MYOM3: variants seen among roughly 807,000 people sequenced by gnomAD.
MYOM3 encodes myomesin 3, also known as myomesin-3.
Under a neutral mutation model 191.7 loss-of-function variants are expected in MYOM3, and 155 were observed. The ratio of observed to expected loss-of-function variants is 0.81; its 90% CI spans 0.71 to 0.92. MYOM3 has a LOEUF of 0.92. MYOM3 is among the 40% of genes least tolerant of loss of function. MYOM3 has a pLI of 0.00. For synonymous variants in MYOM3, 757 were observed against 762.9 expected, an observed-to-expected ratio of 0.99 and a Z score of 0.13; for missense variants, 1,889 against 1,890.6, an observed-to-expected ratio of 1.00 and a Z score of 0.02.
rs1643761172 is a variant in MYOM3 at position 24,087,184 on chromosome 1, C to A, written c.1615-357G>T. ...GCTCCATGAATGAACCCAGTTGGCT[C>A]ACCCTTCAAAATTTACCCAGAAACC... On this transcript the variant is annotated intron_variant, in intron 14 of 36. Transcript: ENST00000374434. This position sits in a 1 kb window ranked among gnomAD's most constrained non-coding sequence, Gnocchi z 4.5. Among the ~76,000 whole-genome samples the A allele has an allele frequency of 6.6e-6, 1 of 152,166 alleles. No individual in the cohort carries two copies. Among genetic ancestry groups the A allele is most frequent in the African/African-American group, 2.4e-5 (1 of 41,434 alleles).
chr1:24,086,625 C>T lies in MYOM3; in HGVS notation c.1798+19G>A. On this transcript the variant is annotated intron_variant, in intron 15 of 36. Coordinates refer to ENST00000374434, the MANE Select transcript of MYOM3 (RefSeq NM_152372.4). ...GGCCTGGCCTGCCTCCTCCCCGACC[C>T]CCGGCATCAGGAGGGTACCTGGCGG... 1.9e-6 allele frequency: 3 copies of T among 1,609,680 alleles called. No individual in the cohort carries two copies. The highest frequency in any genetic ancestry group is 2.5e-6 in the Non-Finnish European group (3 of 1,177,514).
At chr1:24,072,143 G>A in intron 23 of MYOM3, 130 bp from the exon 24 acceptor site, 1 of 851,752 alleles carries the variant, frequency 1.2e-6, no homozygotes. Flanking sequence ...CCCCGACCTT[G>A]GGGTTCCTTG....
chr1:24,105,503 C>G (rs1252789973), intron 5 of MYOM3, among the ~76,000 whole-genome samples: 1 of 152,238 alleles, frequency 6.6e-6, no homozygotes, highest in Non-Finnish European at 1.5e-5. Flanking sequence ...CTTGCAGCAC[C>G]TGCCTTCTCA....
chr1:24,080,667 G>A (rs1643656327), intron 19 of MYOM3, among the ~76,000 whole-genome samples: 1 of 152,178 alleles, frequency 6.6e-6, no homozygotes. Flanking sequence ...GTGCTTTTGT[G>A]AGCATTAGTG....
Position 24,091,015 on chromosome 1 carries a change from C to T in MYOM3, c.1233-19G>A, listed in dbSNP as rs371256821. 3.3e-5 allele frequency: 54 copies of T among 1,612,756 alleles called. No individual in the cohort carries two copies. In the African/African-American group the frequency reaches 6.7e-4, roughly 20 times the overall value. ...CTGGCACCTGTTGGAGACAGGCCCC[C>T]CCTTTCAGCCCCTGCCCACAATGCA... On this transcript the variant is annotated intron_variant, in intron 11 of 36. Transcript: ENST00000374434.
chr1:24,089,605 T>C lies in MYOM3; in HGVS notation c.1547A>G (p.Tyr516Cys), dbSNP rs1643790370. Residue 516 changes from tyrosine (Y) to cysteine (C), a missense_variant, in exon 14 of 37, where the codon TAT becomes TGT. Coordinates refer to ENST00000374434, the MANE Select transcript of MYOM3 (RefSeq NM_152372.4). ...NVHASEIREA[Y>C]VVLAWEEPSP... The stretch of plus-strand genomic sequence containing the variant: ...GGGCTCCTCCCAGGCCAGAACCACA[T>C]AGGCCTCTCGGATCTCGCTGGCATG... The C allele has an allele frequency of 2.5e-6, 4 of 1,595,852 alleles. No homozygotes were observed. The highest frequency in any genetic ancestry group is 1.1e-5 in the South Asian group (1 of 87,702).
intron 25 of MYOM3, among the ~76,000 whole-genome samples, chr1:24,070,691 G>A (rs1267239262): frequency 1.3e-5 from 2 of 152,140 alleles, no homozygotes; most frequent in African/African-American, 2.4e-5. Flanking sequence ...TCAACATAGT[G>A]AGTCCCCATC....
At chr1:24,105,838 A>G in intron 5 of MYOM3, 82 bp downstream of exon 5, 1 of 1,363,824 alleles carries the variant, frequency 7.3e-7, no homozygotes, top group Non-Finnish European at 1.0e-6. Flanking sequence ...CTGCAACAAG[A>G]AGTCCTGGCA....
At position 24,076,184 on chromosome 1, in the gene MYOM3, A is replaced by G. The variant is rs1407352909; in HGVS notation, c.2676T>C (p.Asp892=). Residue 892 remains aspartate, a synonymous_variant, in exon 21 of 37, where the codon GAT becomes GAC. Coordinates refer to ENST00000374434, the MANE Select transcript of MYOM3 (RefSeq NM_152372.4). ...CTGGCTTGTCCTCCAGGAGCACGGGATCAGTGGGCATGGACGGTTGCCCCA... is the reference window on the plus strand; with the variant it reads ...CTGGCTTGTCCTCCAGGAGCACGGGGTCAGTGGGCATGGACGGTTGCCCCA... ...AGLGQPSMPT[D]PVLLEDKPGA... 2 of 1,614,106 alleles carry G rather than the reference A, an allele frequency of 1.2e-6. No homozygotes were observed. The highest frequency in any genetic ancestry group is 1.3e-5 in the African/African-American group (1 of 75,046).
In MYOM3 at chr1:24,063,525, C is replaced by A. The variant is rs756128737; in HGVS notation, c.3628G>T (p.Asp1210Tyr). 6.2e-7 allele frequency: 1 copy of A among 1,614,110 alleles called. No homozygotes were observed. Reference sequence around the variant, plus strand: ...CTGCCCAACTCGGTGAAGATGGCATCCAGGGCTGGCGGGAAACAGAGAGAA... The same window carrying A: ...CTGCCCAACTCGGTGAAGATGGCATACAGGGCTGGCGGGAAACAGAGAGAA... ...TILDLTGDAL[D>Y]AIFTELGRIG... The change falls in exon 31 of 37, where the codon GAT becomes TAT. Residue 1210 changes from aspartate (D) to tyrosine (Y), a missense_variant. Coordinates refer to ENST00000374434, the MANE Select transcript of MYOM3 (RefSeq NM_152372.4). This position sits in a 1 kb window ranked among gnomAD's most constrained non-coding sequence, Gnocchi z 4.5.
intron 19 of MYOM3, 132 bp from the exon 20 acceptor site, chr1:24,080,326 G>C: frequency 1.4e-6 from 1 of 702,192 alleles, no homozygotes; most frequent in South Asian, 2.1e-5. Context: ...GGAAGGGCCT[G>C]TTCTGGGTGT....
intron 15 of MYOM3, among the ~76,000 whole-genome samples, chr1:24,085,383 T>C (rs1643726851): frequency 6.6e-6 from 1 of 152,192 alleles, no homozygotes; most frequent in Admixed American, 6.5e-5. Flanking sequence ...AATAGATGGA[T>C]AGATGGACTG....
At chr1:24,075,274 A>G (rs778683821) in intron 22 of MYOM3, 45 bp downstream of exon 22, 4 of 1,599,514 alleles carry the variant, frequency 2.5e-6, no homozygotes, top group Non-Finnish European at 3.4e-6. Flanking sequence ...CTCTGACAGT[A>G]TTTGGGTCCC....
chr1:24,095,857 G>A (rs1643876108), intron 7 of MYOM3, among the ~76,000 whole-genome samples: 1 of 152,156 alleles, frequency 6.6e-6, no homozygotes, highest in Non-Finnish European at 1.5e-5. Flanking sequence ...TGGGATCAGG[G>A]AGAGTGGTGG....
chr1:24,064,981 C>T (rs1457305764), intron 29 of MYOM3, among the ~76,000 whole-genome samples: 1 of 152,220 alleles, frequency 6.6e-6, no homozygotes, highest in Non-Finnish European at 1.5e-5. Context: ...CACTCTGAGC[C>T]TCAGTTTACT....
chr1:24,085,816 A>G (rs942076124), intron 15 of MYOM3, among the ~76,000 whole-genome samples: 2 of 150,986 alleles, frequency 1.3e-5, no homozygotes, highest in African/African-American at 2.4e-5. Context: ...ACTTGTTCAT[A>G]TGTGCCGTGT....
intron 5 of MYOM3, among the ~76,000 whole-genome samples, chr1:24,104,632 T>C (rs1250837777): frequency 6.6e-6 from 1 of 152,064 alleles, no homozygotes; most frequent in East Asian, 1.9e-4. Flanking sequence ...CCCGCCACCA[T>C]ACCCAGCTAA....
intron 4 of MYOM3, among the ~76,000 whole-genome samples, chr1:24,106,685 C>T (rs558526354): frequency 3.6e-4 from 55 of 152,196 alleles, no homozygotes; most frequent in African/African-American, 1.1e-3. Context: ...TGGGTTCAAG[C>T]GATTCTCCTG....
At chr1:24,065,863 T>G in intron 29 of MYOM3, 28 bp downstream of exon 29, 10 of 1,513,672 alleles carry the variant, frequency 6.6e-6, no homozygotes, top group Non-Finnish European at 9.2e-6. Context: ...AAGGAGAAAG[T>G]GAGCCCTGAA....
Sources: allele counts gnomAD v4.1 joint callset (sites outside exome capture counted in the v4.1 genomes callset), GRCh38; gene constraint gnomAD v4.1.1; non-coding constraint Gnocchi (gnomAD v3.1); transcripts MANE v1.5; gene names NCBI Gene and HGNC (gene_info 2026-07-23, HGNC 2026-07-21).